ARHGAP26: variants seen among roughly 807,000 people sequenced by gnomAD.
The protein encoded by ARHGAP26 is rho GTPase-activating protein 26.
ARHGAP26 carries 38 observed loss-of-function variants against 104.8 expected under a neutral mutation model. The observed-to-expected ratio is 0.36, with a 90% confidence interval of 0.28 to 0.48. The LOEUF (loss-of-function observed/expected upper bound fraction) is 0.48, where lower values mean the gene tolerates loss of function less well. ARHGAP26 is among the 20% of genes least tolerant of loss of function. The probability of loss-of-function intolerance (pLI) is 0.99; values close to 1 mark genes in which losing one functional copy is unlikely to be tolerated. For missense variants in ARHGAP26, 704 were observed against 947.9 expected (o/e 0.74, Z 3.38); for synonymous variants, 341 against 340.0 (o/e 1.00, Z -0.03).
At chr5:143,012,114 G>T (rs115258970) in intron 11 of ARHGAP26, among the ~76,000 whole-genome samples, 2 of 152,276 alleles carry the variant, frequency 1.3e-5, no homozygotes, top group African/African-American at 4.8e-5. Context: ...TTAGGTATAT[G>T]CATTGATGCC....
Position 142,936,491 on chromosome 5 carries a change from C to T in ARHGAP26, c.1107+4366C>T, listed in dbSNP as rs75798601. Among the ~76,000 whole-genome samples, 379 of 152,248 alleles carry T rather than the reference C, an allele frequency of 2.5e-3. 9 individuals carry two copies. In the East Asian group the frequency reaches 0.042, roughly 17 times the overall value. On this transcript the variant is annotated intron_variant, in intron 11 of 22. Coordinates refer to ENST00000645722, the MANE Select transcript of ARHGAP26 (RefSeq NM_001135608.3). Reference sequence around the variant, plus strand: ...TTTAATGCAATTCCTATTAGAATCACAGCAAGATTTCTTATAGATACAGAC... The same window carrying T: ...TTTAATGCAATTCCTATTAGAATCATAGCAAGATTTCTTATAGATACAGAC...
chr5:142,832,923 TA>T (rs1597824006), intron 1 of ARHGAP26, among the ~76,000 whole-genome samples: 1 of 152,348 alleles, frequency 6.6e-6, no homozygotes, highest in East Asian at 1.9e-4. Flanking sequence ...GTTTTTTACT[TA>T]AAAATTTTTT....
chr5:143,192,404 A>C (rs1308914564), intron 20 of ARHGAP26: 1 of 152,296 alleles, frequency 6.6e-6, no homozygotes, highest in Non-Finnish European at 1.5e-5. Context: ...CCATTTGTTT[A>C]GAACAGGGGT....
intron 21 of ARHGAP26, among the ~76,000 whole-genome samples, chr5:143,209,117 A>G (rs1268400158): frequency 6.6e-6 from 1 of 152,160 alleles, no homozygotes; most frequent in South Asian, 2.1e-4. Flanking sequence ...TCTTCAAAAT[A>G]TTGGCCCTTT....
At chr5:143,037,108 C>T (rs929264001) in intron 12 of ARHGAP26, 88 bp from the exon 13 acceptor site, 31 of 914,318 alleles carry the variant, frequency 3.4e-5, no homozygotes, top group Non-Finnish European at 4.4e-5. Context: ...CCACAGCATG[C>T]GATTGATTCA....
Position 142,864,026 on chromosome 5 carries a change from A to G in ARHGAP26, c.155-9374A>G, listed in dbSNP as rs938729721. ...CATTCTTAGACCTCTATCTCCCTCT[A>G]TCTCCACCCACCAGCCCCTACCGGT... is the stretch of plus-strand genomic sequence containing the variant. On this transcript the variant is annotated intron_variant, in intron 1 of 22. Coordinates refer to ENST00000645722, the MANE Select transcript of ARHGAP26 (RefSeq NM_001135608.3). Among the ~76,000 whole-genome samples, 16 of 151,556 alleles carry G rather than the reference A, an allele frequency of 1.1e-4. No homozygotes were observed. The East Asian group carries it at 2.3e-3, about 22-fold the overall frequency.
At chr5:143,178,973 G>C (rs567138264) in intron 20 of ARHGAP26, among the ~76,000 whole-genome samples, 1 of 151,822 alleles carries the variant, frequency 6.6e-6, no homozygotes, top group Non-Finnish European at 1.5e-5. Flanking sequence ...GGGTTCAAGC[G>C]ATTCTCCTGC....
intron 14 of ARHGAP26, among the ~76,000 whole-genome samples, chr5:143,046,808 A>G (rs1250518521): frequency 1.3e-5 from 2 of 152,192 alleles, no homozygotes; most frequent in African/African-American, 4.8e-5. Flanking sequence ...TCCTGATGAA[A>G]AGTTATGAGT....
chr5:142,870,681 A>G (rs562103386), intron 1 of ARHGAP26, among the ~76,000 whole-genome samples: 28 of 152,196 alleles, frequency 1.8e-4, no homozygotes, highest in Non-Finnish European at 4.0e-4. Context: ...AGTGTTTCTC[A>G]CTGGATCCTC....
intron 19 of ARHGAP26, among the ~76,000 whole-genome samples, chr5:143,142,134 C>CTTTTTT (rs762332039): frequency 0.011 from 1,179 of 105,316 alleles, 41 homozygotes; most frequent in East Asian, 0.017. Flanking sequence ...CTACTTTTCA[C>CTTTTTT]TTTTTTTTTT....
At chr5:142,848,817 A>C (rs765560400) in intron 1 of ARHGAP26, among the ~76,000 whole-genome samples, 1 of 152,208 alleles carries the variant, frequency 6.6e-6, no homozygotes, top group Non-Finnish European at 1.5e-5. Flanking sequence ...TAACCTAGCC[A>C]TGGCTTGTGG....
intron 17 of ARHGAP26, among the ~76,000 whole-genome samples, chr5:143,064,233 G>A (rs1161146755): frequency 5.9e-5 from 9 of 151,934 alleles, no homozygotes; most frequent in Admixed American, 4.6e-4. Flanking sequence ...TCTTGCTCCC[G>A]GCCTACTTCA....
chr5:143,223,964 A>G lies in ARHGAP26; in HGVS notation c.*1518A>G, dbSNP rs1183908699. 3 of 232,072 alleles carry G rather than the reference A, an allele frequency of 1.3e-5. No individual in the cohort carries two copies. The highest frequency in any genetic ancestry group is 1.7e-5 in the Non-Finnish European group (2 of 117,098). 14.4% of individuals were successfully genotyped at this position (232,072 alleles called of 1,614,324 possible). On this transcript the variant is annotated 3_prime_UTR_variant, in exon 23 of 23. Transcript: ENST00000645722. ...GCAAGGGTGACTCTAGACAAACTAC[A>G]AACCGATGGACCGTCAAGCTCCCCA...
At chr5:143,109,646 G>A (rs1794519180) in intron 17 of ARHGAP26, among the ~76,000 whole-genome samples, 1 of 151,968 alleles carries the variant, frequency 6.6e-6, no homozygotes, top group African/African-American at 2.4e-5. Flanking sequence ...TGCCATGTTG[G>A]CCAGGCTGGT....
chr5:143,029,997 G>T (rs74490493), intron 12 of ARHGAP26, among the ~76,000 whole-genome samples: 4,065 of 152,218 alleles, frequency 0.027, 73 homozygotes, highest in Non-Finnish European at 0.041. Context: ...GGGGTCGTTT[G>T]GGGGCATGTC....
chr5:142,901,892 T>A, intron 6 of ARHGAP26, 43 bp from the exon 7 acceptor site: 1 of 1,551,246 alleles, frequency 6.4e-7, no homozygotes, highest in Non-Finnish European at 8.9e-7. Context: ...ATACCTCTTT[T>A]CAACCTGGTT....
intron 1 of ARHGAP26, among the ~76,000 whole-genome samples, chr5:142,838,313 T>C (rs1445460655): frequency 1.3e-5 from 2 of 152,188 alleles, no homozygotes; most frequent in Non-Finnish European, 2.9e-5. Flanking sequence ...TAGTAATGTT[T>C]GTATGGTACC....
intron 7 of ARHGAP26, 144 bp from the exon 8 acceptor site, chr5:142,903,396 T>A: frequency 1.2e-6 from 1 of 803,800 alleles, no homozygotes; most frequent in Non-Finnish European, 1.9e-6. Flanking sequence ...AAAGTATACT[T>A]GTCATAAGGG....
intron 18 of ARHGAP26, among the ~76,000 whole-genome samples, chr5:143,132,766 A>C (rs1797500305): frequency 6.6e-6 from 1 of 152,020 alleles, no homozygotes; most frequent in Admixed American, 6.6e-5. Context: ...TGTTAGACCC[A>C]TAGTGCCTAC....
Sources: gnomAD v4.1 joint callset for allele counts (sites outside exome capture counted in the v4.1 genomes callset) on GRCh38, gnomAD v4.1.1 for gene constraint, MANE v1.5 for transcripts, NCBI Gene and HGNC (gene_info 2026-07-23, HGNC 2026-07-21) for gene names.